Variants in MYO10 observed in about 807,000 individuals in gnomAD.
MYO10 encodes the protein myosin X, also known as unconventional myosin-X.
Under a neutral mutation model 257.3 loss-of-function variants are expected in MYO10, and 133 were observed. That is an observed-to-expected ratio of 0.52 (90% CI 0.45 to 0.60). The LOEUF is 0.60. MYO10 is among the 20% of genes least tolerant of loss of function. The pLI is 0.00. For synonymous variants in MYO10, 1,104 were observed against 1,028.6 expected (o/e 1.07, Z -1.40); for missense variants, 2,399 against 2,635.7 (o/e 0.91, Z 1.97).
intron 1 of MYO10, among the ~76,000 whole-genome samples, chr5:16,882,158 C>T (rs943578480): frequency 4.6e-5 from 7 of 152,164 alleles, no homozygotes; most frequent in Non-Finnish European, 7.3e-5. Context: ...CCCCTTTGAA[C>T]TTTAAAGCAA....
At chr5:16,813,806 G>A (rs1383715118) in intron 3 of MYO10, among the ~76,000 whole-genome samples, 1 of 152,150 alleles carries the variant, frequency 6.6e-6, no homozygotes, top group East Asian at 1.9e-4. Context: ...CAGAGAGAGA[G>A]AAAGAAGACA....
intron 3 of MYO10, among the ~76,000 whole-genome samples, chr5:16,798,943 ATTAAT>A (rs1290502537): frequency 6.6e-6 from 1 of 152,076 alleles, no homozygotes; most frequent in Non-Finnish European, 1.5e-5. Context: ...ATTAAATTTA[ATTAAT>A]TTATTATTAG....
chr5:16,885,041 G>C (rs1012677453), intron 1 of MYO10, among the ~76,000 whole-genome samples: 1 of 152,078 alleles, frequency 6.6e-6, no homozygotes, highest in African/African-American at 2.4e-5. Context: ...CTAATTTCTG[G>C]TATCATTAAA....
rs761962602 is a variant in MYO10 at position 16,675,164 on chromosome 5, A to T, written c.4667-14T>A. The stretch of plus-strand genomic sequence containing the variant: ...TGTCTTTGAGCACTAGGACAAGCAA[A>T]ACAAACACGGAACTCATCTGAGGGG... On this transcript the variant is annotated splice_polypyrimidine_tract_variant and intron_variant, in intron 34 of 40. Coordinates refer to ENST00000513610, the MANE Select transcript of MYO10 (RefSeq NM_012334.3). 3.7e-6 allele frequency: 6 copies of T among 1,612,028 alleles called. No individual in the cohort carries two copies. Among genetic ancestry groups the T allele is most frequent in the Non-Finnish European group, 4.2e-6 (5 of 1,179,812 alleles).
Position 16,701,218 on chromosome 5 carries a change from G to A in MYO10, c.3177C>T (p.Asp1059=). The part of the protein sequence containing the change: ...STVLLAPSVQ[D]SGSLHNSSSG... ...TGGAGGAGTTGTGTAGGCTCCCGGAGTCCTGCACTGATGGGGCGAGCAGCA... is the reference window on the plus strand; with the variant it reads ...TGGAGGAGTTGTGTAGGCTCCCGGAATCCTGCACTGATGGGGCGAGCAGCA... The change falls in exon 25 of 41, where the codon GAC becomes GAT. Residue 1059 remains aspartate (D), a synonymous_variant. Coordinates refer to ENST00000513610, the MANE Select transcript of MYO10 (RefSeq NM_012334.3). The surrounding 1 kb of genome is among the most constrained non-coding windows in gnomAD (Gnocchi z 8.1). 1 of 1,612,356 alleles carries A rather than the reference G, an allele frequency of 6.2e-7. No homozygotes were observed. Among genetic ancestry groups the A allele is most frequent in the Non-Finnish European group, 8.5e-7 (1 of 1,179,250 alleles).
intron 2 of MYO10, among the ~76,000 whole-genome samples, chr5:16,829,379 G>C (rs1471081755): frequency 6.6e-6 from 1 of 152,092 alleles, no homozygotes; most frequent in Non-Finnish European, 1.5e-5. Flanking sequence ...AGAGACAAGA[G>C]ATAAAGAATA....
intron 19 of MYO10, among the ~76,000 whole-genome samples, chr5:16,727,872 G>A (rs1274020609): frequency 9.2e-5 from 8 of 87,222 alleles, no homozygotes; most frequent in Admixed American, 7.6e-4. Flanking sequence ...CTTCCCCCCA[G>A]CCCAAAAAAA....
At chr5:16,874,345 G>T (rs74362050) in intron 2 of MYO10, among the ~76,000 whole-genome samples, 783 of 17,374 alleles carry the variant, frequency 0.045, 24 homozygotes, top group African/African-American at 0.1. Context: ...AAAAAAAAGC[G>T]GGGGGGGGGG....
chr5:16,874,358 G>GGGGGGT, intron 2 of MYO10, among the ~76,000 whole-genome samples: 1 of 43,820 alleles, frequency 2.3e-5, no homozygotes, highest in South Asian at 1.2e-3. Context: ...GGGGGGGGGG[G>GGGGGGT]GTTTCTTTTC....
chr5:16,672,459 G>C (rs964412629), intron 37 of MYO10, among the ~76,000 whole-genome samples: 1 of 152,104 alleles, frequency 6.6e-6, no homozygotes, highest in African/African-American at 2.4e-5. Flanking sequence ...ACTGAGAAAA[G>C]GAATGGGGTA....
At chr5:16,672,501 C>T (rs532593333) in intron 37 of MYO10, among the ~76,000 whole-genome samples, 188 bp downstream of exon 37, 1 of 152,210 alleles carries the variant, frequency 6.6e-6, no homozygotes, top group Non-Finnish European at 1.5e-5. Flanking sequence ...TCACGTAAGA[C>T]CGTAGCTTTA....
At position 16,701,879 on chromosome 5, in the gene MYO10, C is replaced by T. The variant is rs756412099; in HGVS notation, c.2557-41G>A. The T allele has an allele frequency of 6.5e-7, 1 of 1,543,516 alleles. No homozygotes were observed. Among genetic ancestry groups the T allele is most frequent in the South Asian group, 1.3e-5 (1 of 77,166 alleles). On this transcript the variant is annotated intron_variant, in intron 24 of 40. Coordinates refer to ENST00000513610, the MANE Select transcript of MYO10 (RefSeq NM_012334.3). The surrounding 1 kb of genome is among the most constrained non-coding windows in gnomAD (Gnocchi z 8.1). ...AGGGAGATTTCAGAAGGCTTCAGTA[C>T]AAAAGTCCAAGCATAGCTCCCGCTT... is the stretch of plus-strand genomic sequence containing the variant.
At chr5:16,682,490 C>T (rs975604359) in intron 30 of MYO10, among the ~76,000 whole-genome samples, 2 of 152,158 alleles carry the variant, frequency 1.3e-5, no homozygotes, top group African/African-American at 4.8e-5. Flanking sequence ...CACCTGGGTC[C>T]GGGTTTCCAA....
chr5:16,891,789 T>G (rs576157548), intron 1 of MYO10, among the ~76,000 whole-genome samples: 2 of 152,286 alleles, frequency 1.3e-5, no homozygotes, highest in South Asian at 2.1e-4. Context: ...GGTCCTCTTT[T>G]CAGTTTGCAC....
Position 16,829,161 on chromosome 5 carries a change from CAAGG to C in MYO10, c.121-10998_121-10995del, listed in dbSNP as rs1473217172. Among the ~76,000 whole-genome samples the C allele has an allele frequency of 2.6e-5, 4 of 152,104 alleles. No individual in the cohort carries two copies. The East Asian group carries it at 7.7e-4, about 29-fold the overall frequency. ...GTAATGGCCAGGAGGGACACAGATG[CAAGG>C]GTGATGTGGCACGGGGCATCTGTGG... On this transcript the variant is annotated intron_variant, in intron 2 of 40. Transcript: ENST00000513610.
At chr5:16,823,468 A>ATTTT (rs1173952251) in intron 2 of MYO10, among the ~76,000 whole-genome samples, 112 of 6,446 alleles carry the variant, frequency 0.017, 37 homozygotes, top group African/African-American at 0.049. Context: ...GGGAGTGGGG[A>ATTTT]TTTTTTTTTT....
At chr5:16,732,906 C>A (rs13361391) in intron 19 of MYO10, among the ~76,000 whole-genome samples, 15,588 of 152,048 alleles carry the variant, frequency 0.1, 845 homozygotes, top group Non-Finnish European at 0.11. Flanking sequence ...GGCCGAGGTG[C>A]GCAGATCACT....
rs533255749 is a variant in MYO10, at chr5:16,701,339, C to T, written c.3056G>A (p.Arg1019Gln). The change falls in exon 25 of 41, where the codon CGA becomes CAA. Residue 1019 changes from arginine to glutamine, a missense_variant. Coordinates refer to ENST00000513610, the MANE Select transcript of MYO10 (RefSeq NM_012334.3). This position sits in a 1 kb window ranked among gnomAD's most constrained non-coding sequence, Gnocchi z 8.1. ...NPSEHGHSDQRTSGIRTSDDS... is the reference protein window; with the variant it reads ...NPSEHGHSDQQTSGIRTSDDS... Reference sequence around the variant, plus strand: ...ATCGCTGGTCCGGATGCCACTTGTTCGCTGGTCTGAGTGGCCGTGCTCGCT... The same window carrying T: ...ATCGCTGGTCCGGATGCCACTTGTTTGCTGGTCTGAGTGGCCGTGCTCGCT... 4.3e-6 allele frequency: 7 copies of T among 1,613,830 alleles called. No individual in the cohort carries two copies. Among genetic ancestry groups the T allele is most frequent in the East Asian group, 2.2e-5 (1 of 44,858 alleles).
intron 3 of MYO10, among the ~76,000 whole-genome samples, chr5:16,799,805 C>CT (rs1742069777): frequency 1.3e-5 from 2 of 152,246 alleles, no homozygotes; most frequent in South Asian, 4.1e-4. Context: ...AGAAAGGACT[C>CT]TTAACAGCGG....
Sources: gnomAD v4.1 joint callset for allele counts (sites outside exome capture counted in the v4.1 genomes callset) on GRCh38, gnomAD v4.1.1 for gene constraint, Gnocchi (gnomAD v3.1) non-coding constraint, MANE v1.5 for transcripts, NCBI Gene and HGNC (gene_info 2026-07-23, HGNC 2026-07-21) for gene names.